CASP9: variants seen among roughly 807,000 people sequenced by gnomAD.
CASP9 encodes the protein caspase-9.
A neutral mutation model predicts 43.5 loss-of-function variants in CASP9; 29 were observed. The observed-to-expected ratio is 0.67, with a 90% CI of 0.50 to 0.91. CASP9 has a LOEUF of 0.91. Among genes scored for constraint, CASP9 ranks in the 40% least tolerant of loss-of-function variants. The pLI is 0.00. For missense variants in CASP9, 575 were observed against 537.4 expected (o/e 1.07, Z -0.69); for synonymous variants, 206 against 211.9 (o/e 0.97, Z 0.24).
chr1:15,493,542 C>T (rs1570819842), intron 8 of CASP9: 1 of 1,396,870 alleles, frequency 7.2e-7, no homozygotes, highest in Middle Eastern at 2.7e-4. Context: ...CTACATGATG[C>T]CCACAGGATA....
chr1:15,507,101 C>T, intron 3 of CASP9, 26 bp from the exon 4 acceptor site: 3 of 1,612,436 alleles, frequency 1.9e-6, no homozygotes, highest in Non-Finnish European at 2.5e-6. Flanking sequence ...CCCACGTAAA[C>T]CCGGGCTCTC....
At chr1:15,509,225 C>T (rs1384324820) in intron 2 of CASP9, among the ~76,000 whole-genome samples, 1 of 152,302 alleles carries the variant, frequency 6.6e-6, no homozygotes, top group East Asian at 1.9e-4. Flanking sequence ...CACTGTATGT[C>T]CGTGTCCTAG....
At chr1:15,501,757 TA>T (rs1315526339) in intron 6 of CASP9, among the ~76,000 whole-genome samples, 1 of 152,094 alleles carries the variant, frequency 6.6e-6, no homozygotes, top group Non-Finnish European at 1.5e-5. Flanking sequence ...ATTTGGCTCA[TA>T]TTTTTTTTTT....
intron 4 of CASP9, among the ~76,000 whole-genome samples, chr1:15,506,412 C>T (rs4646040): frequency 0.65 from 98,512 of 151,762 alleles, 33,432 homozygotes; most frequent in African/African-American, 0.85. Context: ...GCCGAGATCG[C>T]GCCACTGTAC....
chr1:15,518,980 T>G (rs1000143600), intron 1 of CASP9, among the ~76,000 whole-genome samples: 19 of 152,028 alleles, frequency 1.2e-4, no homozygotes, highest in African/African-American at 4.6e-4. Flanking sequence ...GTTCAAGCGA[T>G]TATCCTGCCT....
At chr1:15,507,960 G>A in intron 2 of CASP9, 53 bp from the exon 3 acceptor site, 1 of 1,583,138 alleles carries the variant, frequency 6.3e-7, no homozygotes, top group South Asian at 1.1e-5. Flanking sequence ...AGCAGAGGAG[G>A]GGCAAGGGGC....
At chr1:15,519,068 G>A (rs1253420018) in intron 1 of CASP9, among the ~76,000 whole-genome samples, 1 of 151,524 alleles carries the variant, frequency 6.6e-6, no homozygotes, top group African/African-American at 2.4e-5. Context: ...AGTAGAAACA[G>A]GGTTTCACCA....
At chr1:15,518,446 C>T in intron 1 of CASP9, 51 bp from the exon 2 acceptor site, 1 of 1,556,584 alleles carries the variant, frequency 6.4e-7, no homozygotes, top group South Asian at 1.2e-5. Context: ...TTTTATATGG[C>T]TCTCACCTTG....
At chr1:15,501,662 A>C (rs560530482) in intron 6 of CASP9, among the ~76,000 whole-genome samples, 1 of 152,344 alleles carries the variant, frequency 6.6e-6, no homozygotes, top group African/African-American at 2.4e-5. Flanking sequence ...CTCCAAAGGG[A>C]TATCTTAATC....
rs376202421 is a variant in CASP9 at position 15,518,400 on chromosome 1, T to A, written c.133-5A>T. ...CCGAGATCCAGAGCCTGCCCGCTGT[T>A]TGGAAAGAAAGGCAGGATACTAATT... On this transcript the variant is annotated splice_region_variant and splice_polypyrimidine_tract_variant and intron_variant, in intron 1 of 8. Transcript: ENST00000333868. 121 of 1,607,222 alleles carry A rather than the reference T, an allele frequency of 7.5e-5. No individual in the cohort carries two copies. Among genetic ancestry groups the A allele is most frequent in the Non-Finnish European group, 9.0e-5 (106 of 1,175,684 alleles).
intron 2 of CASP9, among the ~76,000 whole-genome samples, chr1:15,513,188 A>G (rs1373025334): frequency 6.6e-6 from 1 of 151,298 alleles, no homozygotes; most frequent in African/African-American, 2.4e-5. Flanking sequence ...CGAACGGCTC[A>G]TTCTCTTTCT....
intron 1 of CASP9, among the ~76,000 whole-genome samples, chr1:15,522,212 T>C (rs1246091787): frequency 2.0e-5 from 3 of 152,244 alleles, no homozygotes; most frequent in African/African-American, 4.8e-5. Flanking sequence ...TCATTGGTTG[T>C]GGTTTTTTAC....
chr1:15,507,400 C>T (rs550795265), intron 3 of CASP9, among the ~76,000 whole-genome samples: 1 of 152,206 alleles, frequency 6.6e-6, no homozygotes, highest in Non-Finnish European at 1.5e-5. Context: ...CACCTGGAGG[C>T]ACCCAAGGCT....
intron 2 of CASP9, among the ~76,000 whole-genome samples, chr1:15,513,912 G>A (rs1465719881): frequency 6.6e-6 from 1 of 152,132 alleles, no homozygotes; most frequent in African/African-American, 2.4e-5. Flanking sequence ...CAGGATAATA[G>A]GAGCAACTAC....
At chr1:15,520,794 T>C (rs906624909) in intron 1 of CASP9, among the ~76,000 whole-genome samples, 6 of 147,970 alleles carry the variant, frequency 4.1e-5, no homozygotes, top group African/African-American at 1.5e-4. Context: ...CTACTAAAAA[T>C]ACAAAAAAAT....
intron 5 of CASP9, among the ~76,000 whole-genome samples, chr1:15,505,247 T>C (rs1187631069): frequency 6.6e-6 from 1 of 152,066 alleles, no homozygotes; most frequent in African/African-American, 2.4e-5. Flanking sequence ...GGACTTGGAA[T>C]GAAGAGGTCC....
intron 6 of CASP9, among the ~76,000 whole-genome samples, chr1:15,501,602 T>C (rs1426336258): frequency 6.6e-6 from 1 of 152,170 alleles, no homozygotes; most frequent in Non-Finnish European, 1.5e-5. Context: ...ATGTGGTAAC[T>C]GCGTTAAGCA....
intron 2 of CASP9, among the ~76,000 whole-genome samples, chr1:15,509,629 C>T (rs1709679646): frequency 6.7e-6 from 1 of 150,368 alleles, no homozygotes; most frequent in African/African-American, 2.4e-5. Context: ...GAGCAAAACT[C>T]CATCTCAAAA....
At chr1:15,506,274 C>A (rs985520767) in intron 4 of CASP9, among the ~76,000 whole-genome samples, 195 bp from the exon 5 acceptor site, 1 of 146,066 alleles carries the variant, frequency 6.8e-6, no homozygotes, top group Non-Finnish European at 1.5e-5. Flanking sequence ...CATGGTGAAA[C>A]CCCGTCTCTA....
Sources: gnomAD v4.1 joint callset for allele counts (sites outside exome capture counted in the v4.1 genomes callset) on GRCh38, gnomAD v4.1.1 for gene constraint, MANE v1.5 for transcripts, NCBI Gene and HGNC (gene_info 2026-07-23, HGNC 2026-07-21) for gene names.